The following TTN variants were observed in gnomAD, a reference collection of about 807,000 sequenced individuals.
TTN encodes the protein connectin.
TTN carries 1,525 observed loss-of-function variants against 3,223.0 expected under a neutral mutation model. The observed-to-expected ratio is 0.47, with a 90% CI of 0.45 to 0.49. The LOEUF is 0.49. Ranked by LOEUF, TTN falls within the 20% of genes least tolerant of loss-of-function variation. The pLI is 0.00. For missense variants in TTN, 40,786 were observed against 43,424.0 expected (o/e 0.94, Z 5.40); for synonymous variants, 14,094 against 15,161.0 (o/e 0.93, Z 5.17).
intron 350 of TTN, 135 bp from the exon 351 acceptor site, chr2:178,540,505 AT>A (rs1462380955): frequency 2.5e-6 from 2 of 800,480 alleles, no homozygotes; most frequent in Non-Finnish European, 3.8e-6. Context: ...TGAAAATTTT[AT>A]TCATGGCTGG....
intron 47 of TTN, chr2:178,747,037 A>G: frequency 6.2e-7 from 1 of 1,613,376 alleles, no homozygotes; most frequent in Non-Finnish European, 8.5e-7. Context: ...TTGGTCCTCC[A>G]GTAGGAATAG....
chr2:178,607,839 C>A lies in TTN; in HGVS notation c.52948G>T (p.Ala17650Ser). 1 of 1,613,016 alleles carries A rather than the reference C, an allele frequency of 6.2e-7. No homozygotes were observed. Among genetic ancestry groups the A allele is most frequent in the Non-Finnish European group, 8.5e-7 (1 of 1,179,332 alleles). ...GTTTCTCCAGGCGGTCCTTCCCCTG[C>A]GGCATTGACAGCACTCACCCGAAGT... ...YKLRVSAVNA[A>S]GEGPPGETQP... The change falls in exon 276 of 363, where the codon GCA becomes TCA. Residue 17650 changes from alanine (A) to serine (S), a missense_variant. Ala to Ser is a moderately conservative substitution (Grantham distance 99). Transcript: ENST00000589042.
At position 178,702,187 on chromosome 2, in the gene TTN, C is replaced by A. The variant is rs1064797276; in HGVS notation, c.30492G>T (p.Glu10164Asp). The A allele has an allele frequency of 2.5e-6, 4 of 1,613,838 alleles. No individual in the cohort carries two copies. The highest frequency in any genetic ancestry group is 3.4e-6 in the Non-Finnish European group (4 of 1,179,880). ...CCTCACCTTTCGTCGTTAGGTACAG[C>A]TCTGCCGTGCTTCTTGCTTCACCTC... Reference protein sequence around the residue: ...EPRGEARSTAELYLTTKEIKL... With the variant: ...EPRGEARSTADLYLTTKEIKL... The change falls in exon 108 of 363, where the codon GAG (glutamate) becomes GAT (aspartate). Residue 10164 changes from glutamate (E) to aspartate (D), a missense_variant. Physicochemically the swap from Glu to Asp is conservative, Grantham distance 45. Coordinates refer to ENST00000589042, the MANE Select transcript of TTN (RefSeq NM_001267550.2).
Position 178,728,933 on chromosome 2 carries a change from C to G in TTN, c.19105G>C (p.Glu6369Gln), listed in dbSNP as rs776552344. The G allele has an allele frequency of 3.1e-6, 5 of 1,611,316 alleles. No homozygotes were observed. Among genetic ancestry groups the G allele is most frequent in the Non-Finnish European group, 4.2e-6 (5 of 1,178,532 alleles). ...GCATAACACCTCTCAACTCCTGACTCATTCTTGGCTTGACAGGTATATCTC... is the reference window on the plus strand; with the variant it reads ...GCATAACACCTCTCAACTCCTGACTGATTCTTGGCTTGACAGGTATATCTC... ...SGRYTCQAKNESGVERCYAFL... is the reference protein window; with the variant it reads ...SGRYTCQAKNQSGVERCYAFL... The change falls in exon 65 of 363, where the codon GAG becomes CAG. Residue 6369 changes from glutamate (E) to glutamine (Q), a missense_variant. Physicochemically the swap from Glu to Gln is conservative, Grantham distance 29 (BLOSUM62 2). Coordinates refer to ENST00000589042, the MANE Select transcript of TTN (RefSeq NM_001267550.2).
intron 263 of TTN, 141 bp downstream of exon 263, chr2:178,613,610 A>C: frequency 2.5e-6 from 2 of 815,210 alleles, no homozygotes; most frequent in Non-Finnish European, 3.6e-6. Context: ...TTTTCAAATT[A>C]TGAGGTAATA....
chr2:178,775,072 C>A lies in TTN; in HGVS notation c.6639G>T (p.Glu2213Asp), dbSNP rs745719077. 33 of 1,613,938 alleles carry A rather than the reference C, an allele frequency of 2.0e-5. No individual in the cohort carries two copies. Among genetic ancestry groups the A allele is most frequent in the Non-Finnish European group, 2.6e-5 (31 of 1,179,986 alleles). ...VKVKWYKDGMEVHEGDKYRMH... is the reference protein window; with the variant it reads ...VKVKWYKDGMDVHEGDKYRMH... ...TCCTGTATTTATCTCCCTCATGAACCTCCATACCATCTTTATACCATTTCA... is the reference window on the plus strand; with the variant it reads ...TCCTGTATTTATCTCCCTCATGAACATCCATACCATCTTTATACCATTTCA... The change falls in exon 29 of 363, where the codon GAG becomes GAT. Residue 2213 changes from glutamate to aspartate, a missense_variant. Transcript: ENST00000589042.
Position 178,729,185 on chromosome 2 carries a change from A to T in TTN, c.18869-16T>A, listed in dbSNP as rs369915523. The T allele has an allele frequency of 2.0e-5, 31 of 1,556,656 alleles. No homozygotes were observed. In the Admixed American group the frequency reaches 6.0e-4, roughly 30 times the overall value. On this transcript the variant is annotated splice_polypyrimidine_tract_variant and intron_variant, in intron 64 of 362. Transcript: ENST00000589042. Reference sequence around the variant, plus strand: ...GATGGTGGTTCTGTGATTAAATAAGAGAGTGTGAAAAGAAGAAACATATTG... The same window carrying T: ...GATGGTGGTTCTGTGATTAAATAAGTGAGTGTGAAAAGAAGAAACATATTG...
intron 15 of TTN, 43 bp from the exon 16 acceptor site, chr2:178,784,394 C>T: frequency 6.2e-7 from 1 of 1,607,018 alleles, no homozygotes. Flanking sequence ...TTTAACCATC[C>T]TCCGATGGCT....
At chr2:178,748,592 A>C (rs923333998) in intron 47 of TTN, 1 of 1,613,090 alleles carries the variant, frequency 6.2e-7, no homozygotes, top group South Asian at 1.1e-5. Flanking sequence ...TTGGATTTTA[A>C]AATAAGCTTC....
At chr2:178,767,114 T>G (rs1561188405) in intron 40 of TTN, among the ~76,000 whole-genome samples, 1 of 152,208 alleles carries the variant, frequency 6.6e-6, no homozygotes, top group African/African-American at 2.4e-5. Context: ...GAAGCCTTTT[T>G]CATTATAGTC....
Position 178,716,912 on chromosome 2 carries a change from AT to A in TTN, c.25639+182del, listed in dbSNP as rs113750404. 4.6e-3 allele frequency among the ~76,000 whole-genome samples: 692 copies of A among 151,242 alleles called. 1 individual carries two copies. Among genetic ancestry groups the A allele is most frequent in the African/African-American group, 8.5e-3 (353 of 41,390 alleles). ...TTGGTCCATGTTTTCCTAGTTTTAA[AT>A]TTTTTTTTTAAAGTAATTAAAAAAT... is the stretch of plus-strand genomic sequence containing the variant. On this transcript the variant is annotated intron_variant, in intron 88 of 362. Coordinates refer to ENST00000589042, the MANE Select transcript of TTN (RefSeq NM_001267550.2).
Position 178,605,278 on chromosome 2 carries a change from A to C in TTN, c.53899T>G (p.Leu17967Val), listed in dbSNP as rs761733751. The change falls in exon 280 of 363, where the codon TTG (leucine) becomes GTG (valine). Residue 17967 changes from leucine to valine, a missense_variant. Coordinates refer to ENST00000589042, the MANE Select transcript of TTN (RefSeq NM_001267550.2). ...QDDEVPPTIKLRLSVRGDTIK... is the reference protein window; with the variant it reads ...QDDEVPPTIKVRLSVRGDTIK... Reference sequence around the variant, plus strand: ...GTGTCTCCTCGAACACTCAGACGCAACTTAATAGTTGGAGGCACTGCAAAG... The same window carrying C: ...GTGTCTCCTCGAACACTCAGACGCACCTTAATAGTTGGAGGCACTGCAAAG... 1.5e-5 allele frequency: 23 copies of C among 1,586,184 alleles called. No individual in the cohort carries two copies. Among genetic ancestry groups the C allele is most frequent in the Non-Finnish European group, 1.9e-5 (22 of 1,166,906 alleles).
At position 178,552,678 on chromosome 2, in the gene TTN, T is replaced by C. The variant is rs1426971934; in HGVS notation, c.90222A>G (p.Glu30074=). The part of the protein sequence containing the change: ...EYVVERKGKG[E]QTWSHAGISK... ...TTATGCCAGCGTGGGACCACGTCTGTTCACCTTTACCTTTCCTTTCTACAA... is the reference window on the plus strand; with the variant it reads ...TTATGCCAGCGTGGGACCACGTCTGCTCACCTTTACCTTTCCTTTCTACAA... The change falls in exon 335 of 363, where the codon GAA becomes GAG. Residue 30074 remains glutamate, a synonymous_variant. Coordinates refer to ENST00000589042, the MANE Select transcript of TTN (RefSeq NM_001267550.2). 1 of 1,613,964 alleles carries C rather than the reference T, an allele frequency of 6.2e-7. No individual in the cohort carries two copies. Among genetic ancestry groups the C allele is most frequent in the Non-Finnish European group, 8.5e-7 (1 of 1,179,844 alleles).
At chr2:178,541,219 A>G in intron 350 of TTN, 63 bp downstream of exon 350, 1 of 1,400,976 alleles carries the variant, frequency 7.1e-7, no homozygotes, top group Non-Finnish European at 9.4e-7. Context: ...TATTTCAAAA[A>G]GGTGAATTTT....
intron 223 of TTN, among the ~76,000 whole-genome samples, chr2:178,639,237 A>G (rs1373886865): frequency 6.6e-6 from 1 of 152,036 alleles, no homozygotes; most frequent in East Asian, 1.9e-4. Context: ...CATGAAATAC[A>G]TTCACAATAT....
At chr2:178,732,409 A>G in intron 56 of TTN, 31 bp downstream of exon 56, 2 of 1,584,126 alleles carry the variant, frequency 1.3e-6, no homozygotes, top group African/African-American at 1.4e-5. Context: ...TAACAAGGTT[A>G]GCACAAAGAT....
rs1576993700 is a variant in TTN, at chr2:178,653,214, A to C, written c.38791+24T>G. On this transcript the variant is annotated intron_variant, in intron 198 of 362. Coordinates refer to ENST00000589042, the MANE Select transcript of TTN (RefSeq NM_001267550.2). The stretch of plus-strand genomic sequence containing the variant: ...AACTGCAAAAGAATTAGATCATCTG[A>C]AGCCTAAGGTCAGTGACAAATACCT... 4 of 1,611,254 alleles carry C rather than the reference A, an allele frequency of 2.5e-6. No homozygotes were observed. In the East Asian group the frequency reaches 9.0e-5, roughly 36 times the overall value.
In TTN at chr2:178,633,623, CCTT is replaced by C; in HGVS notation, c.42733_42735del (p.Lys14245del). ...ACTTCACACTTCAAAGTAATCTCAT[CCTT>C]CTCCACTGCAGTTTTGTCATGTAAT... is the stretch of plus-strand genomic sequence containing the variant. On this transcript the variant is annotated inframe_deletion, in exon 232 of 363. Transcript: ENST00000589042. The C allele has an allele frequency of 6.2e-7, 1 of 1,613,148 alleles. No individual in the cohort carries two copies. The highest frequency in any genetic ancestry group is 8.5e-7 in the Non-Finnish European group (1 of 1,179,538).
Position 178,675,384 on chromosome 2 carries a change from G to A in TTN, c.34538-271C>T, listed in dbSNP as rs963090929. ...CTTTTTTTTTTTTGTAGGAAGAAAT[G>A]GGTATGAAGAAATGGGTATTTCAGG... is the stretch of plus-strand genomic sequence containing the variant. On this transcript the variant is annotated intron_variant, in intron 149 of 362. Coordinates refer to ENST00000589042, the MANE Select transcript of TTN (RefSeq NM_001267550.2). 2.1e-5 allele frequency: 8 copies of A among 380,274 alleles called. No homozygotes were observed. In the South Asian group the frequency reaches 3.7e-4, roughly 17 times the overall value. The allele number at this position is 380,274 out of a possible 1,614,324, so 23.6% of individuals were successfully genotyped here. A position where few individuals can be genotyped will look rare whatever the true frequency, so the allele number is the denominator to read the frequency against.
Sources: gnomAD v4.1 joint callset for allele counts (sites outside exome capture counted in the v4.1 genomes callset) on GRCh38, gnomAD v4.1.1 for gene constraint, MANE v1.5 for transcripts, NCBI Gene and HGNC (gene_info 2026-07-23, HGNC 2026-07-21) for gene names.